ZC3H12B: variants seen among roughly 807,000 people sequenced by gnomAD.
ZC3H12B encodes zinc finger CCCH-type containing 12B, also known as probable ribonuclease ZC3H12B.
A neutral mutation model predicts 43.9 loss-of-function variants in ZC3H12B; 7 were observed. The ratio of observed to expected loss-of-function variants is 0.16; its 90% confidence interval spans 0.09 to 0.30. ZC3H12B has a LOEUF of 0.30. Among genes scored for constraint, ZC3H12B ranks in the 10% least tolerant of loss-of-function variants. The pLI, the probability that ZC3H12B is intolerant of heterozygous loss-of-function variation, is 1.00. For missense variants in ZC3H12B, 475 were observed against 670.2 expected (o/e 0.71, Z 3.22); for synonymous variants, 222 against 241.7 (o/e 0.92, Z 0.76).
At chrX:65,244,746 A>G in the ZC3H12B span, among the ~76,000 whole-genome samples, 2 of 108,275 alleles carry the variant, frequency 1.8e-5, no homozygotes, top group Non-Finnish European at 3.8e-5. Flanking sequence ...AAAAAAAAAA[A>G]AAAAAGAAAA....
At chrX:65,383,736 T>A (rs2066478765) in intron 2 of ZC3H12B, among the ~76,000 whole-genome samples, 1 of 110,773 alleles carries the variant, frequency 9.0e-6, no homozygotes, top group African/African-American at 3.3e-5. Flanking sequence ...GAATCTACAA[T>A]GAACTCAAAC....
the ZC3H12B span, among the ~76,000 whole-genome samples, chrX:65,128,211 G>C: frequency 8.9e-6 from 1 of 112,213 alleles, no homozygotes; most frequent in African/African-American, 3.2e-5. Context: ...CATGCAGTGT[G>C]TAATAATCAC....
At chrX:65,404,753 A>G (rs1243801211) in intron 3 of ZC3H12B, among the ~76,000 whole-genome samples, 2 of 111,979 alleles carry the variant, frequency 1.8e-5, no homozygotes, top group Non-Finnish European at 3.8e-5. Flanking sequence ...ATACAATAAT[A>G]TCTGGAGACT....
At chrX:65,073,168 G>A in the ZC3H12B span, among the ~76,000 whole-genome samples, 1 of 112,632 alleles carries the variant, frequency 8.9e-6, no homozygotes, top group African/African-American at 3.2e-5. Context: ...GGCAGCAGTG[G>A]CAGTGCAAGG....
the ZC3H12B span, among the ~76,000 whole-genome samples, chrX:65,118,323 A>C: frequency 2.7e-5 from 3 of 111,558 alleles, no homozygotes; most frequent in Non-Finnish European, 3.8e-5. Context: ...TCTTTGAAGC[A>C]ATTGTGAATG....
intron 2 of ZC3H12B, among the ~76,000 whole-genome samples, chrX:65,373,972 TA>T (rs1200736274): frequency 1.4e-4 from 6 of 44,136 alleles, no homozygotes; most frequent in Non-Finnish European, 1.8e-4. Context: ...GTATATATAG[TA>T]TATATATATA....
the ZC3H12B span, chrX:65,331,074 C>T: frequency 3.1e-6 from 1 of 317,543 alleles, no homozygotes; most frequent in Non-Finnish European, 6.2e-6. Context: ...AATGATTCAA[C>T]CCTATTTTTA....
chrX:65,222,369 G>T, the ZC3H12B span, among the ~76,000 whole-genome samples: 1 of 110,519 alleles, frequency 9.0e-6, no homozygotes, highest in African/African-American at 3.3e-5. Flanking sequence ...AAAAGAGAAA[G>T]AAATCAATGG....
At chrX:65,504,820 T>C (rs1016472708) in exon 5 of ZC3H12B, 3 of 112,806 alleles carry the variant, frequency 2.7e-5, no homozygotes, top group East Asian at 2.8e-4. Flanking sequence ...AGGTCAATCA[T>C]TGGTGGAACA....
chrX:65,343,671 A>G, the ZC3H12B span, among the ~76,000 whole-genome samples: 1 of 112,238 alleles, frequency 8.9e-6, no homozygotes, highest in African/African-American at 3.2e-5. Flanking sequence ...TTGAAAGAAC[A>G]TACATGAAAA....
chrX:65,204,853 T>A, the ZC3H12B span, among the ~76,000 whole-genome samples: 2 of 112,351 alleles, frequency 1.8e-5, no homozygotes, highest in Non-Finnish European at 3.8e-5. Context: ...TTTGAGAAAC[T>A]GTCAGTAAGC....
chrX:65,337,780 T>A, the ZC3H12B span, among the ~76,000 whole-genome samples: 1 of 112,649 alleles, frequency 8.9e-6, no homozygotes, highest in Non-Finnish European at 1.9e-5. Context: ...TCTTACATAA[T>A]TTGAAAATAT....
chrX:65,400,597 G>C (rs1219058987), intron 3 of ZC3H12B, among the ~76,000 whole-genome samples: 1 of 111,514 alleles, frequency 9.0e-6, no homozygotes, highest in Non-Finnish European at 1.9e-5. Context: ...TTTCAATGCA[G>C]AATCTTCAAA....
the ZC3H12B span, among the ~76,000 whole-genome samples, chrX:65,269,365 C>CAA: frequency 6.0e-3 from 494 of 82,700 alleles, 2 homozygotes; most frequent in African/African-American, 0.021. Flanking sequence ...CAAAACAAAA[C>CAA]AAAAAAAAAA....
the ZC3H12B span, among the ~76,000 whole-genome samples, chrX:65,152,449 G>A: frequency 9.0e-6 from 1 of 111,323 alleles, no homozygotes. Context: ...CAGACAGAGA[G>A]CCAAATCATG....
chrX:65,122,822 C>T, the ZC3H12B span, among the ~76,000 whole-genome samples: 1 of 111,636 alleles, frequency 9.0e-6, no homozygotes, highest in Non-Finnish European at 1.9e-5. Context: ...ATCAATTCAA[C>T]AGGAAGAGCT....
At chrX:65,272,088 C>T in the ZC3H12B span, among the ~76,000 whole-genome samples, 4 of 109,546 alleles carry the variant, frequency 3.7e-5, no homozygotes, top group Non-Finnish European at 7.6e-5. Context: ...GTGGCGGGTG[C>T]CTGTAGTCCC....
the ZC3H12B span, among the ~76,000 whole-genome samples, chrX:65,257,456 G>A: frequency 9.1e-6 from 1 of 110,485 alleles, no homozygotes; most frequent in Non-Finnish European, 1.9e-5. Context: ...CCTGTGGGGG[G>A]TGGGGACCTG....
chrX:65,503,446 C>T, exon 5 of ZC3H12B: 1 of 320,944 alleles, frequency 3.1e-6, no homozygotes, highest in South Asian at 6.2e-5. Flanking sequence ...TAGCAAATGA[C>T]TAAGTCAAGA....
Sources: gnomAD v4.1 joint callset for allele counts (sites outside exome capture counted in the v4.1 genomes callset) on GRCh38, gnomAD v4.1.1 for gene constraint, MANE v1.5 for transcripts, NCBI Gene and HGNC (gene_info 2026-07-23, HGNC 2026-07-21) for gene names.